The following HRH1 variants were observed in gnomAD, a reference collection of about 807,000 sequenced individuals.
HRH1 encodes the protein histamine receptor H1, also known as histamine H1 receptor.
In HRH1, 6 loss-of-function variants were observed where a neutral mutation model predicts 10.3. That is an observed-to-expected ratio of 0.58 (90% CI 0.32 to 1.15). HRH1 has a LOEUF of 1.15. Among genes scored for constraint, HRH1 ranks in the 50% most tolerant of loss-of-function variants. The pLI is 0.05. For missense variants in HRH1, 514 were observed against 615.3 expected (o/e 0.84, Z 1.74); for synonymous variants, 242 against 236.7 (o/e 1.02, Z -0.21).
intron 1 of HRH1, among the ~76,000 whole-genome samples, chr3:11,208,091 C>T (rs1294763527): frequency 6.6e-6 from 1 of 152,100 alleles, no homozygotes; most frequent in African/African-American, 2.4e-5. Flanking sequence ...CTCTTTCCTG[C>T]CTGTTCTATT....
intron 1 of HRH1, among the ~76,000 whole-genome samples, chr3:11,147,059 T>C (rs1936466175): frequency 1.3e-5 from 2 of 152,230 alleles, no homozygotes; most frequent in South Asian, 4.1e-4. Flanking sequence ...TGGAAGATCT[T>C]AGCAGAGACT....
chr3:11,249,751 C>T (rs1047249466), intron 1 of HRH1, among the ~76,000 whole-genome samples: 12 of 152,170 alleles, frequency 7.9e-5, no homozygotes, highest in African/African-American at 2.9e-4. Context: ...TGCTGAGGCT[C>T]TGCTTTAGGA....
chr3:11,255,885 T>A (rs1254350777), intron 1 of HRH1, among the ~76,000 whole-genome samples: 1 of 152,206 alleles, frequency 6.6e-6, no homozygotes, highest in Admixed American at 6.5e-5. Context: ...GACTTTTCCC[T>A]TTACCTTAAG....
intron 1 of HRH1, among the ~76,000 whole-genome samples, chr3:11,228,181 A>G (rs1001848434): frequency 1.3e-5 from 2 of 152,194 alleles, no homozygotes; most frequent in Non-Finnish European, 2.9e-5. Flanking sequence ...TTTAGTTAGG[A>G]AAGTGATTCA....
intron 1 of HRH1, among the ~76,000 whole-genome samples, chr3:11,212,573 C>T (rs1938363169): frequency 6.6e-6 from 1 of 152,172 alleles, no homozygotes; most frequent in Non-Finnish European, 1.5e-5. Flanking sequence ...AGGCAATGGG[C>T]ACTTTTCCCC....
intron 1 of HRH1, among the ~76,000 whole-genome samples, chr3:11,199,852 T>C (rs1239323878): frequency 6.6e-6 from 1 of 152,218 alleles, no homozygotes; most frequent in Non-Finnish European, 1.5e-5. Flanking sequence ...ATAGTCACAG[T>C]TGGCAGCCAT....
intron 1 of HRH1, among the ~76,000 whole-genome samples, chr3:11,245,498 C>G (rs73024490): frequency 6.6e-6 from 1 of 152,198 alleles, no homozygotes; most frequent in Non-Finnish European, 1.5e-5. Flanking sequence ...CCCAGATATG[C>G]CTCTTGGGCT....
Position 11,262,886 on chromosome 3 carries a change from T to C in HRH1, c.*2385T>C, listed in dbSNP as rs182475741. ...GTCTGGTATACAGAGGGCACTCCTATGCATTTTTAAAACATGCTGAGCACA... is the reference window on the plus strand; with the variant it reads ...GTCTGGTATACAGAGGGCACTCCTACGCATTTTTAAAACATGCTGAGCACA... On this transcript the variant is annotated 3_prime_UTR_variant, in exon 2 of 2. Coordinates refer to ENST00000431010, the MANE Select transcript of HRH1 (RefSeq NM_001098212.2). The C allele has an allele frequency of 2.8e-3, 471 of 167,254 alleles. 1 individual carries two copies. Among genetic ancestry groups the C allele is most frequent in the Non-Finnish European group, 5.3e-3 (364 of 68,118 alleles). The allele number at this position is 167,254 out of a possible 1,614,324, so 10.4% of individuals were successfully genotyped here.
In HRH1 at chr3:11,242,509, A is replaced by AAAAAAAAAAAAAAAAT. The variant is rs1559283215; in HGVS notation, c.-35-16494_-35-16493insAAAAAAAAAAAAAAAT. On this transcript the variant is annotated intron_variant, in intron 1 of 1. Coordinates refer to ENST00000431010, the MANE Select transcript of HRH1 (RefSeq NM_001098212.2). ...AAAAAAAAAAAAAAAAAAAAAAAAA[A>AAAAAAAAAAAAAAAAT]GCTGTAACACTCACTGCAAAGGTCT... Among the ~76,000 whole-genome samples the AAAAAAAAAAAAAAAAT allele has an allele frequency of 4.7e-4, 57 of 120,806 alleles. 4 individuals are homozygous for AAAAAAAAAAAAAAAAT. The highest frequency in any genetic ancestry group is 4.6e-3 in the Middle Eastern group (1 of 218). 79.3% of individuals were successfully genotyped at this position (120,806 alleles called of 152,430 possible). A position where few individuals can be genotyped will look rare whatever the true frequency, so the allele number is the denominator to read the frequency against.
chr3:11,210,005 G>A (rs1192859106), intron 1 of HRH1, among the ~76,000 whole-genome samples: 1 of 152,228 alleles, frequency 6.6e-6, no homozygotes, highest in East Asian at 1.9e-4. Flanking sequence ...GTGAGACACA[G>A]TGAAGACCTT....
At chr3:11,182,073 C>T (rs1937366150) in intron 1 of HRH1, among the ~76,000 whole-genome samples, 1 of 152,184 alleles carries the variant, frequency 6.6e-6, no homozygotes, top group Non-Finnish European at 1.5e-5. Context: ...ACCTCCGCCT[C>T]CCTGGTTCAA....
chr3:11,234,699 A>G, intron 1 of HRH1: 1 of 1,047,878 alleles, frequency 9.5e-7, no homozygotes, highest in Non-Finnish European at 1.5e-6. Flanking sequence ...CCCTGCCCTG[A>G]GACCTTGCAG....
intron 1 of HRH1, among the ~76,000 whole-genome samples, chr3:11,206,622 T>A (rs1057283085): frequency 6.6e-6 from 1 of 152,246 alleles, no homozygotes; most frequent in African/African-American, 2.4e-5. Flanking sequence ...ATTTCATCCT[T>A]ACAGCAATTT....
At chr3:11,149,325 A>G (rs1254443469) in intron 1 of HRH1, among the ~76,000 whole-genome samples, 1 of 152,242 alleles carries the variant, frequency 6.6e-6, no homozygotes, top group Non-Finnish European at 1.5e-5. Flanking sequence ...TGCTTTGCAT[A>G]TAAATAGAAG....
chr3:11,147,612 GAA>G (rs928043714), intron 1 of HRH1, among the ~76,000 whole-genome samples: 2 of 148,540 alleles, frequency 1.3e-5, no homozygotes, highest in Non-Finnish European at 3.0e-5. Flanking sequence ...AGTAGGTGTA[GAA>G]AAAAAAAAGA....
chr3:11,186,556 A>G (rs1937454941), intron 1 of HRH1, among the ~76,000 whole-genome samples: 1 of 152,234 alleles, frequency 6.6e-6, no homozygotes, highest in African/African-American at 2.4e-5. Flanking sequence ...TACTCACTGA[A>G]TAAATGAAGA....
intron 1 of HRH1, among the ~76,000 whole-genome samples, chr3:11,168,258 A>G (rs1937086251): frequency 6.6e-6 from 1 of 152,142 alleles, no homozygotes; most frequent in Non-Finnish European, 1.5e-5. Context: ...TAGGAGATGG[A>G]GTCAGAGGTC....
In HRH1 at chr3:11,251,872, T is replaced by C. The variant is rs1027550282; in HGVS notation, c.-35-7131T>C. Among the ~76,000 whole-genome samples the C allele has an allele frequency of 2.0e-5, 3 of 152,356 alleles. No individual in the cohort carries two copies. The East Asian group carries it at 5.8e-4, about 29-fold the overall frequency. ...TTTCTACTTTCTTCTGTTAGCAAAGTAGTTGCCGCTACAGATTGAATGCAT... is the reference window on the plus strand; with the variant it reads ...TTTCTACTTTCTTCTGTTAGCAAAGCAGTTGCCGCTACAGATTGAATGCAT... On this transcript the variant is annotated intron_variant, in intron 1 of 1. Transcript: ENST00000431010.
chr3:11,147,426 G>A (rs929850579), intron 1 of HRH1, among the ~76,000 whole-genome samples: 1 of 152,122 alleles, frequency 6.6e-6, no homozygotes, highest in African/African-American at 2.4e-5. Context: ...TTATAGATAA[G>A]CACATGACAG....
Sources: gnomAD v4.1 joint callset for allele counts (sites outside exome capture counted in the v4.1 genomes callset) on GRCh38, gnomAD v4.1.1 for gene constraint, MANE v1.5 for transcripts, NCBI Gene and HGNC (gene_info 2026-07-23, HGNC 2026-07-21) for gene names.